Variants in EDARADD observed in about 807,000 individuals in gnomAD.
The protein encoded by EDARADD is ectodysplasin-A receptor-associated adapter protein.
In EDARADD, 20 loss-of-function variants were observed where a neutral mutation model predicts 25.6. That is an observed-to-expected ratio of 0.78 (90% CI 0.55 to 1.14). The LOEUF (loss-of-function observed/expected upper bound fraction) is 1.14, where lower values mean the gene tolerates loss of function less well. EDARADD is among the 50% of genes most tolerant of loss of function. EDARADD has a pLI of 0.00. For missense variants in EDARADD, 225 were observed against 270.1 expected (o/e 0.83, Z 1.17); for synonymous variants, 86 against 94.4 (o/e 0.91, Z 0.52).
At position 236,425,657 on chromosome 1, in the gene EDARADD, G is replaced by A. The variant is rs571837890; in HGVS notation, c.161-1735G>A. 2.3e-4 allele frequency among the ~76,000 whole-genome samples: 35 copies of A among 152,306 alleles called. No homozygotes were observed. The East Asian group carries it at 5.2e-3, about 23-fold the overall frequency. On this transcript the variant is annotated intron_variant, in intron 3 of 5. Coordinates refer to ENST00000334232, the MANE Select transcript of EDARADD (RefSeq NM_145861.4). The stretch of plus-strand genomic sequence containing the variant: ...CCGGTTAGGGGGATGTGCTACCACC[G>A]TCTTTACAGATGGGAGCCTCAAGAG...
intron 3 of EDARADD, among the ~76,000 whole-genome samples, chr1:236,377,888 A>G (rs1380713097): frequency 1.3e-5 from 2 of 151,846 alleles, no homozygotes; most frequent in African/African-American, 4.8e-5. Flanking sequence ...CAAAAAGCAA[A>G]CTGTAACTTT....
In EDARADD at chr1:236,484,523, T is replaced by C. The variant is rs1659776687; in HGVS notation, c.*1874T>C. On this transcript the variant is annotated 3_prime_UTR_variant, in exon 6 of 6. Transcript: ENST00000334232. The surrounding 1 kb of genome is among the most constrained non-coding windows in gnomAD (Gnocchi z 4.1). ...CTGGTGGCTAATTAGACCCCTCCCC[T>C]TGTGTCAACTCCGGCAGCTCAAGAC... The C allele has an allele frequency of 2.1e-6, 3 of 1,428,634 alleles. No individual in the cohort carries two copies. The highest frequency in any genetic ancestry group is 2.8e-5 in the African/African-American group (2 of 72,094). 88.5% of individuals were successfully genotyped at this position (1,428,634 alleles called of 1,614,324 possible).
intron 3 of EDARADD, among the ~76,000 whole-genome samples, chr1:236,374,532 A>G (rs1280446299): frequency 1.3e-5 from 2 of 152,108 alleles, no homozygotes; most frequent in Non-Finnish European, 2.9e-5. Flanking sequence ...TAGTAGATTC[A>G]TTTAGTTCTC....
intron 4 of EDARADD, among the ~76,000 whole-genome samples, chr1:236,443,500 G>A (rs1658454905): frequency 6.6e-6 from 1 of 152,202 alleles, no homozygotes; most frequent in South Asian, 2.1e-4. Context: ...GCTCATGGAT[G>A]ACGTTGAGGG....
At chr1:236,359,107 A>T (rs1412805599) in intron 3 of EDARADD, among the ~76,000 whole-genome samples, 1 of 152,026 alleles carries the variant, frequency 6.6e-6, no homozygotes, top group Non-Finnish European at 1.5e-5. Flanking sequence ...GGTAAACTTG[A>T]TCTTCAAATT....
chr1:236,470,349 G>A, intron 5 of EDARADD, among the ~76,000 whole-genome samples: 1 of 152,052 alleles, frequency 6.6e-6, no homozygotes, highest in Non-Finnish European at 1.5e-5. Context: ...GCTATGACAA[G>A]CACATATTTA....
At chr1:236,475,602 T>C (rs1571958472) in intron 5 of EDARADD, among the ~76,000 whole-genome samples, 1 of 150,538 alleles carries the variant, frequency 6.6e-6, no homozygotes, top group Non-Finnish European at 1.5e-5. Flanking sequence ...GTCTCTACTA[T>C]AAATACAAAA....
chr1:236,466,843 C>T (rs575748810), intron 4 of EDARADD, among the ~76,000 whole-genome samples: 6 of 152,156 alleles, frequency 3.9e-5, no homozygotes, highest in East Asian at 1.9e-4. Flanking sequence ...CCAAGGTGGG[C>T]GGATCATGAG....
intron 3 of EDARADD, among the ~76,000 whole-genome samples, chr1:236,426,642 T>C (rs1204669673): frequency 6.6e-6 from 1 of 152,166 alleles, no homozygotes; most frequent in East Asian, 1.9e-4. Context: ...TCACAGTGGC[T>C]CACACTAGTA....
At chr1:236,471,083 T>C (rs1408996705) in intron 5 of EDARADD, among the ~76,000 whole-genome samples, 8 of 152,210 alleles carry the variant, frequency 5.3e-5, no homozygotes, top group Admixed American at 3.3e-4. Flanking sequence ...GCTTGTTTTT[T>C]TCACGTGCTT....
chr1:236,391,845 A>G (rs1207059446), upstream of EDARADD, among the ~76,000 whole-genome samples: 2 of 152,186 alleles, frequency 1.3e-5, no homozygotes, highest in Non-Finnish European at 2.9e-5. Flanking sequence ...TCCTTTCCAC[A>G]CTTACGGCTG....
rs184569132 is a variant in EDARADD, at chr1:236,411,034, C to T, written c.120+1760C>T. Among the ~76,000 whole-genome samples, 22 of 152,270 alleles carry T rather than the reference C, an allele frequency of 1.4e-4. No individual in the cohort carries two copies. The East Asian group carries it at 4.1e-3, about 28-fold the overall frequency. Reference sequence around the variant, plus strand: ...AAGTGTTATTCAGTTTGCCTTCTTTCCCTTCCCACTGCCCCCACCTGTGAC... The same window carrying T: ...AAGTGTTATTCAGTTTGCCTTCTTTTCCTTCCCACTGCCCCCACCTGTGAC... On this transcript the variant is annotated intron_variant, in intron 2 of 5. Coordinates refer to ENST00000334232, the MANE Select transcript of EDARADD (RefSeq NM_145861.4).
At position 236,425,588 on chromosome 1, in the gene EDARADD, G is replaced by A. The variant is rs139560462; in HGVS notation, c.161-1804G>A. Reference sequence around the variant, plus strand: ...GTCACCAAGCTAGTTGTATTGCTAAGAGAGCTTGCACCTGTCCCTTGATAA... The same window carrying A: ...GTCACCAAGCTAGTTGTATTGCTAAAAGAGCTTGCACCTGTCCCTTGATAA... On this transcript the variant is annotated intron_variant, in intron 3 of 5. Coordinates refer to ENST00000334232, the MANE Select transcript of EDARADD (RefSeq NM_145861.4). 4.1e-3 allele frequency among the ~76,000 whole-genome samples: 630 copies of A among 152,320 alleles called. 5 individuals carry two copies. Among genetic ancestry groups the A allele is most frequent in the African/African-American group, 0.014 (578 of 41,562 alleles).
Position 236,427,375 on chromosome 1 carries a change from C to CT in EDARADD, c.161-6dup, listed in dbSNP as rs555177993. On this transcript the variant is annotated splice_polypyrimidine_tract_variant and intron_variant, in intron 3 of 5. Coordinates refer to ENST00000334232, the MANE Select transcript of EDARADD (RefSeq NM_145861.4). Reference sequence around the variant, plus strand: ...TCACACTTTGTTTCTTTCTTTCTTTCTTTTTTTTTTTCCTAGCTGAAGAAT... The same window carrying CT: ...TCACACTTTGTTTCTTTCTTTCTTTCTTTTTTTTTTTTCCTAGCTGAAGAAT... The CT allele has an allele frequency of 0.024, 23,813 of 1,008,520 alleles. No individual in the cohort carries two copies. Among genetic ancestry groups the CT allele is most frequent in the Non-Finnish European group, 0.026 (18,745 of 717,048 alleles). 62.5% of individuals were successfully genotyped at this position (1,008,520 alleles called of 1,614,324 possible).
chr1:236,434,327 A>G (rs905938036), intron 4 of EDARADD, among the ~76,000 whole-genome samples: 1 of 151,664 alleles, frequency 6.6e-6, no homozygotes, highest in Non-Finnish European at 1.5e-5. Flanking sequence ...AACCTCTGCC[A>G]CCTGGGTTCA....
At chr1:236,419,098 C>T (rs955892172) in intron 3 of EDARADD, among the ~76,000 whole-genome samples, 1 of 152,126 alleles carries the variant, frequency 6.6e-6, no homozygotes, top group African/African-American at 2.4e-5. Context: ...TTTGGAAAGC[C>T]ACCTGAGAAA....
intron 1 of EDARADD, among the ~76,000 whole-genome samples, chr1:236,404,071 CCTGGCGAAACCA>C (rs1262504913): frequency 1.3e-5 from 2 of 152,178 alleles, no homozygotes; most frequent in Non-Finnish European, 2.9e-5. Context: ...CCGCACCGGC[CCTGGCGAAACCA>C]CTGGCCTTGT....
At chr1:236,366,586 ACCTATGAAC>A (rs2102992543) in intron 3 of EDARADD, among the ~76,000 whole-genome samples, 1 of 152,116 alleles carries the variant, frequency 6.6e-6, no homozygotes, top group South Asian at 2.1e-4. Context: ...TGATGTTCTG[ACCTATGAAC>A]ACTAACTGCT....
chr1:236,458,644 T>TTC (rs1553269276), intron 4 of EDARADD, among the ~76,000 whole-genome samples: 1 of 143,342 alleles, frequency 7.0e-6, no homozygotes, highest in African/African-American at 2.6e-5. Flanking sequence ...TCTTTTTCTT[T>TTC]TTTTTTTTTT....
Sources: gnomAD v4.1 joint callset for allele counts (sites outside exome capture counted in the v4.1 genomes callset) on GRCh38, gnomAD v4.1.1 for gene constraint, Gnocchi (gnomAD v3.1) non-coding constraint, MANE v1.5 for transcripts, NCBI Gene and HGNC (gene_info 2026-07-23, HGNC 2026-07-21) for gene names.